GRIA4: variants seen among roughly 807,000 people sequenced by gnomAD.
The protein encoded by GRIA4 is glutamate ionotropic receptor AMPA type subunit 4, also known as glutamate receptor 4.
In GRIA4, 34 loss-of-function variants were observed where a neutral mutation model predicts 104.0. That is an observed-to-expected ratio of 0.33 (90% CI 0.25 to 0.44). GRIA4 has a LOEUF of 0.44. Ranked by LOEUF, GRIA4 falls within the 20% of genes least tolerant of loss-of-function variation. The probability of loss-of-function intolerance (pLI) is 1.00; values close to 1 mark genes in which losing one functional copy is unlikely to be tolerated. For missense variants in GRIA4, 750 were observed against 1,096.5 expected (o/e 0.68, Z 4.46); for synonymous variants, 386 against 381.9 (o/e 1.01, Z -0.13).
chr11:105,794,508 TATATACATATAC>T (rs1942390795), intron 4 of GRIA4, among the ~76,000 whole-genome samples: 2 of 122,970 alleles, frequency 1.6e-5, no homozygotes, highest in Non-Finnish European at 3.4e-5. Flanking sequence ...TATATATATA[TATATACATATAC>T]ACACACACAC....
intron 5 of GRIA4, among the ~76,000 whole-genome samples, chr11:105,879,666 A>T (rs902209445): frequency 2.6e-5 from 4 of 152,214 alleles, no homozygotes; most frequent in African/African-American, 9.6e-5. Flanking sequence ...TACTTTGTAT[A>T]TATACTGTTA....
rs1940086585 is a variant in GRIA4 at position 105,752,894 on chromosome 11, AT to A, written c.248-80del. 32 of 1,269,724 alleles carry A rather than the reference AT, an allele frequency of 2.5e-5. No homozygotes were observed. In the South Asian group the frequency reaches 4.0e-4, roughly 16 times the overall value. The allele number at this position is 1,269,724 out of a possible 1,614,324, so 78.7% of individuals were successfully genotyped here. A position where few individuals can be genotyped will look rare whatever the true frequency, so the allele number is the denominator to read the frequency against. ...CAGATCCAATGATTCAGTGATTTTT[AT>A]TTTTTTAATTTTCTAGAATGTAGAC... is the stretch of plus-strand genomic sequence containing the variant. On this transcript the variant is annotated intron_variant, in intron 3 of 16. Coordinates refer to ENST00000282499, the MANE Select transcript of GRIA4 (RefSeq NM_000829.4).
intron 3 of GRIA4, among the ~76,000 whole-genome samples, chr11:105,750,982 T>C (rs1022764531): frequency 2.0e-5 from 3 of 152,134 alleles, no homozygotes; most frequent in Non-Finnish European, 2.9e-5. Flanking sequence ...CGTATGGTTT[T>C]CAAGTGGCAT....
At chr11:105,692,224 C>T (rs898093206) in intron 3 of GRIA4, among the ~76,000 whole-genome samples, 5 of 151,338 alleles carry the variant, frequency 3.3e-5, no homozygotes, top group African/African-American at 1.2e-4. Context: ...GCATTAGGCA[C>T]ATTACATATA....
chr11:105,737,355 G>T (rs564878145), intron 3 of GRIA4, among the ~76,000 whole-genome samples: 2 of 151,990 alleles, frequency 1.3e-5, no homozygotes, highest in Non-Finnish European at 2.9e-5. Flanking sequence ...TCTAGAAGGG[G>T]AAGAAATTGT....
At chr11:105,968,520 T>C (rs1858512739) in intron 14 of GRIA4, among the ~76,000 whole-genome samples, 1 of 152,178 alleles carries the variant, frequency 6.6e-6, no homozygotes, top group Non-Finnish European at 1.5e-5. Context: ...GTTCTGACCA[T>C]AGCAGTCCTC....
At chr11:105,679,385 A>C (rs757876371) in intron 3 of GRIA4, among the ~76,000 whole-genome samples, 2 of 152,142 alleles carry the variant, frequency 1.3e-5, no homozygotes, top group African/African-American at 4.8e-5. Context: ...TTGACACATA[A>C]AATTCACTAT....
In GRIA4 at chr11:105,933,818, G is replaced by A; in HGVS notation, c.2143G>A (p.Val715Ile). 3.1e-6 allele frequency: 5 copies of A among 1,613,464 alleles called. No individual in the cohort carries two copies. Among genetic ancestry groups the A allele is most frequent in the Non-Finnish European group, 4.2e-6 (5 of 1,179,614 alleles). Residue 715 changes from valine to isoleucine, a missense_variant, in exon 14 of 17, where the codon GTC becomes ATC. This residue lies in a region of GRIA4 where 272 missense variants were observed against 524.5 expected (regional missense o/e 0.52). Coordinates refer to ENST00000282499, the MANE Select transcript of GRIA4 (RefSeq NM_000829.4). ...TRTTAEGVAR[V>I]RKSKGKFAFL... Reference sequence around the variant, plus strand: ...GACTACAGCTGAGGGAGTAGCTCGTGTCCGCAAATCCAAGGGCAAATTTGC... The same window carrying A: ...GACTACAGCTGAGGGAGTAGCTCGTATCCGCAAATCCAAGGGCAAATTTGC...
intron 3 of GRIA4, among the ~76,000 whole-genome samples, chr11:105,722,770 C>T (rs1469770570): frequency 1.3e-5 from 2 of 151,866 alleles, no homozygotes; most frequent in East Asian, 3.9e-4. Context: ...TGTAAATATA[C>T]TCCATGTCCA....
At chr11:105,861,143 G>A (rs557519337) in intron 4 of GRIA4, among the ~76,000 whole-genome samples, 26 of 151,964 alleles carry the variant, frequency 1.7e-4, no homozygotes, top group African/African-American at 6.3e-4. Flanking sequence ...TCAAGAACAG[G>A]GTGAAGACCA....
At chr11:105,905,735 A>T (rs1443898509) in intron 9 of GRIA4, among the ~76,000 whole-genome samples, 1 of 152,208 alleles carries the variant, frequency 6.6e-6, no homozygotes, top group Non-Finnish European at 1.5e-5. Flanking sequence ...TCTTGAAGTA[A>T]TCAACTAGAT....
At chr11:105,752,495 A>G (rs1476864971) in intron 3 of GRIA4, among the ~76,000 whole-genome samples, 1 of 152,202 alleles carries the variant, frequency 6.6e-6, no homozygotes. Flanking sequence ...CTATAATCCA[A>G]TTCAAGAATA....
chr11:105,672,334 G>C (rs895011854), intron 3 of GRIA4, among the ~76,000 whole-genome samples: 2 of 152,168 alleles, frequency 1.3e-5, no homozygotes, highest in South Asian at 4.2e-4. Flanking sequence ...ATTCTCTGTA[G>C]TCACACCTTT....
In GRIA4 at chr11:105,898,425, A is replaced by G. The variant is rs1176642973; in HGVS notation, c.883A>G (p.Lys295Glu). The G allele has an allele frequency of 3.9e-6, 6 of 1,550,436 alleles. No individual in the cohort carries two copies. Among genetic ancestry groups the G allele is most frequent in the Non-Finnish European group, 5.3e-6 (6 of 1,125,756 alleles). The change falls in exon 7 of 17, where the codon AAG becomes GAG. Residue 295 changes from lysine (K) to glutamate (E), a missense_variant and splice_region_variant. Lys to Glu is a moderately conservative substitution (Grantham distance 56). This residue lies in a region of GRIA4 where 410 missense variants were observed against 502.7 expected (regional missense o/e 0.82). Coordinates refer to ENST00000282499, the MANE Select transcript of GRIA4 (RefSeq NM_000829.4). ...REYPGSETPP[K>E]YTSALTYDGV... Reference sequence around the variant, plus strand: ...GTATCCAGGATCTGAGACTCCTCCAAAGGTATTTGTTTATTTTTATCTACT... The same window carrying G: ...GTATCCAGGATCTGAGACTCCTCCAGAGGTATTTGTTTATTTTTATCTACT...
chr11:105,853,003 T>C (rs574888463), intron 4 of GRIA4, among the ~76,000 whole-genome samples: 1 of 129,474 alleles, frequency 7.7e-6, no homozygotes, highest in South Asian at 2.3e-4. Flanking sequence ...AACAAGCTGA[T>C]ACTTAATATG....
intron 4 of GRIA4, among the ~76,000 whole-genome samples, chr11:105,756,361 C>A (rs1940310930): frequency 6.6e-6 from 1 of 152,112 alleles, no homozygotes. Flanking sequence ...AGATCACAAG[C>A]ACCGTTCTTT....
chr11:105,776,006 T>C (rs907674146), intron 4 of GRIA4, among the ~76,000 whole-genome samples: 1 of 152,104 alleles, frequency 6.6e-6, no homozygotes, highest in Admixed American at 6.6e-5. Flanking sequence ...TATTTATAAT[T>C]TTTAATACAA....
At chr11:105,942,488 T>C (rs571457385) in intron 14 of GRIA4, among the ~76,000 whole-genome samples, 47 of 152,176 alleles carry the variant, frequency 3.1e-4, no homozygotes, top group African/African-American at 1.1e-3. Context: ...ATTTTTCACA[T>C]GGTATGTTAA....
intron 3 of GRIA4, among the ~76,000 whole-genome samples, chr11:105,689,401 T>A (rs1467126846): frequency 6.6e-6 from 1 of 152,154 alleles, no homozygotes; most frequent in Non-Finnish European, 1.5e-5. Context: ...TAGAAAAGCA[T>A]GATGAGTTGT....
Sources: gnomAD v4.1 joint callset for allele counts (sites outside exome capture counted in the v4.1 genomes callset) on GRCh38, gnomAD v4.1.1 for gene constraint, gnomAD v4.1.1 regional missense constraint, MANE v1.5 for transcripts, NCBI Gene and HGNC (gene_info 2026-07-23, HGNC 2026-07-21) for gene names.